SEPTIN8: variants seen among roughly 807,000 people sequenced by gnomAD.
The protein encoded by SEPTIN8 is septin 8, also known as septin-8.
SEPTIN8 carries 22 observed loss-of-function variants against 53.1 expected under a neutral mutation model. The observed-to-expected ratio is 0.41, with a 90% confidence interval of 0.30 to 0.59. The LOEUF is 0.59. Ranked by LOEUF, SEPTIN8 falls within the 20% of genes least tolerant of loss-of-function variation. The pLI, the probability that SEPTIN8 is intolerant of heterozygous loss-of-function variation, is 0.24. For missense variants in SEPTIN8, 536 were observed against 638.7 expected, an observed-to-expected ratio of 0.84 and a Z score of 1.73; for synonymous variants, 228 against 248.4, an observed-to-expected ratio of 0.92 and a Z score of 0.77.
rs1173590312 is a variant in SEPTIN8 at position 132,751,986 on chromosome 5, G to A, written c.*30C>T. On this transcript the variant is annotated 3_prime_UTR_variant, in exon 10 of 10. Transcript: ENST00000378719. ...TCCAGTTCCATGCCCTGGTGGTCCTGAGCTGGCCCCATGTGTTGGAGCTGC... is the reference window on the plus strand; with the variant it reads ...TCCAGTTCCATGCCCTGGTGGTCCTAAGCTGGCCCCATGTGTTGGAGCTGC... 5 of 1,611,636 alleles carry A rather than the reference G, an allele frequency of 3.1e-6. No homozygotes were observed. The highest frequency in any genetic ancestry group is 2.5e-6 in the Non-Finnish European group (3 of 1,179,156).
chr5:132,755,693 C>T (rs1159850490), intron 9 of SEPTIN8, among the ~76,000 whole-genome samples: 2 of 152,308 alleles, frequency 1.3e-5, no homozygotes, highest in South Asian at 4.1e-4. Flanking sequence ...GAGGAACACT[C>T]CTCAAGGGCA....
In SEPTIN8 at chr5:132,765,506, G is replaced by A. The variant is rs948267489; in HGVS notation, c.54C>T (p.Ser18=). ...AACCCACATGGCCGCCCAGGGAGAG[G>A]CTCCGGGGCTCTGGCTCTGCATTCT... is the stretch of plus-strand genomic sequence containing the variant. ...RFSNAEPEPR[S]LSLGGHVGFD... is the part of the protein sequence containing the mutation. Residue 18 remains serine (S), a synonymous_variant, in exon 2 of 10, where the codon AGC becomes AGT. Coordinates refer to ENST00000378719, the MANE Select transcript of SEPTIN8 (RefSeq NM_001098811.2). The A allele has an allele frequency of 1.9e-6, 3 of 1,607,112 alleles. No individual in the cohort carries two copies. The highest frequency in any genetic ancestry group is 2.7e-5 in the African/African-American group (2 of 74,590).
At chr5:132,770,057 G>A (rs1289754525) in intron 1 of SEPTIN8, among the ~76,000 whole-genome samples, 2 of 79,564 alleles carry the variant, frequency 2.5e-5, no homozygotes, top group Admixed American at 1.5e-4. Context: ...GTGTGTGTGT[G>A]TGTGTGTATA....
intron 9 of SEPTIN8, chr5:132,753,005 A>G (rs759889186): frequency 6.6e-7 from 1 of 1,522,302 alleles, no homozygotes; most frequent in East Asian, 2.3e-5. Flanking sequence ...TTCAGAGCAT[A>G]GTGTGAAACC....
chr5:132,762,493 T>G lies in SEPTIN8; in HGVS notation c.687A>C (p.Ala229=). The part of the protein sequence containing the change: ...TDDEAVAEIN[A]VMNAHLPFAV... Reference sequence around the variant, plus strand: ...CTCACCCAACGCTCACATTCATGACTGCGTTAATCTCTGCAACAGCCTCAT... The same window carrying G: ...CTCACCCAACGCTCACATTCATGACGGCGTTAATCTCTGCAACAGCCTCAT... The change falls in exon 5 of 10, where the codon GCA becomes GCC. Residue 229 remains alanine (A), a synonymous_variant. Transcript: ENST00000378719. 1 of 1,614,216 alleles carries G rather than the reference T, an allele frequency of 6.2e-7. No individual in the cohort carries two copies. Among genetic ancestry groups the G allele is most frequent in the Non-Finnish European group, 8.5e-7 (1 of 1,180,010 alleles).
At position 132,760,899 on chromosome 5, in the gene SEPTIN8, C is replaced by T. The variant is rs746322383; in HGVS notation, c.1189G>A (p.Ala397Thr). ...ACCGCAGCCTTCCGGCGATTGAAGGCGTTGGTCTCCTCCTCCAGTTCCCGG... is the reference window on the plus strand; with the variant it reads ...ACCGCAGCCTTCCGGCGATTGAAGGTGTTGGTCTCCTCCTCCAGTTCCCGG... Reference protein sequence around the residue: ...KRRELEEETNAFNRRKAAVEA... With the variant: ...KRRELEEETNTFNRRKAAVEA... Residue 397 changes from alanine (A) to threonine (T), a missense_variant, in exon 9 of 10, where the codon GCC becomes ACC. Physicochemically the swap from Ala to Thr is moderately conservative, Grantham distance 58. Transcript: ENST00000378719. The surrounding 1 kb of genome is among the most constrained non-coding windows in gnomAD (Gnocchi z 5.2). 12 of 1,610,958 alleles carry T rather than the reference C, an allele frequency of 7.4e-6. No homozygotes were observed. Among genetic ancestry groups the T allele is most frequent in the South Asian group, 1.1e-5 (1 of 90,642 alleles).
Position 132,761,680 on chromosome 5 carries a change from C to T in SEPTIN8, c.794-54G>A, listed in dbSNP as rs1755976081. On this transcript the variant is annotated intron_variant, in intron 6 of 9. Coordinates refer to ENST00000378719, the MANE Select transcript of SEPTIN8 (RefSeq NM_001098811.2). This position sits in a 1 kb window ranked among gnomAD's most constrained non-coding sequence, Gnocchi z 5.8. The stretch of plus-strand genomic sequence containing the variant: ...GGCAGGCATGCAGGCGGGCACACTC[C>T]AGAGTCAGGGTAGGCACGCAGGTGG... 3 of 1,603,558 alleles carry T rather than the reference C, an allele frequency of 1.9e-6. No individual in the cohort carries two copies. In the African/African-American group the frequency reaches 4.0e-5, roughly 21 times the overall value.
chr5:132,770,039 ATATG>A (rs1164036137), intron 1 of SEPTIN8, among the ~76,000 whole-genome samples: 42 of 88,426 alleles, frequency 4.7e-4, no homozygotes, highest in South Asian at 6.6e-4. Flanking sequence ...ACATATATAT[ATATG>A]TGTGTGTGTG....
rs920110864 is a variant in SEPTIN8 at position 132,773,594 on chromosome 5, C to A, written c.30+3514G>T. On this transcript the variant is annotated intron_variant, in intron 1 of 9. Coordinates refer to ENST00000378719, the MANE Select transcript of SEPTIN8 (RefSeq NM_001098811.2). The surrounding 1 kb of genome is among the most constrained non-coding windows in gnomAD (Gnocchi z 4.2). ...GACCAAAGTCTGCATCCTCACCCAA[C>A]CTTGGGCTGTTGGCATCAACAAGAT... is the stretch of plus-strand genomic sequence containing the variant. Among the ~76,000 whole-genome samples the A allele has an allele frequency of 1.6e-4, 24 of 152,246 alleles. No individual in the cohort carries two copies. The highest frequency in any genetic ancestry group is 1.4e-3 in the South Asian group (7 of 4,836).
chr5:132,774,381 G>A (rs934462504), intron 1 of SEPTIN8, among the ~76,000 whole-genome samples: 3 of 152,338 alleles, frequency 2.0e-5, no homozygotes, highest in Middle Eastern at 3.4e-3. Flanking sequence ...AGAAAACACC[G>A]GAGCTGGCCC....
At chr5:132,762,971 C>A (rs771031155) in intron 4 of SEPTIN8, among the ~76,000 whole-genome samples, 2 of 152,154 alleles carry the variant, frequency 1.3e-5, no homozygotes, top group African/African-American at 4.8e-5. Context: ...TGGGGCCTAA[C>A]AGAAGGAGTG....
chr5:132,750,983 G>T lies in SEPTIN8; in HGVS notation c.*1033C>A, dbSNP rs1245082766. On this transcript the variant is annotated 3_prime_UTR_variant, in exon 10 of 10. Transcript: ENST00000378719. Reference sequence around the variant, plus strand: ...GGACCTCTATATTGGGACGCCGCTGGACTTCTTGACTATAGTGAGTAAGGA... The same window carrying T: ...GGACCTCTATATTGGGACGCCGCTGTACTTCTTGACTATAGTGAGTAAGGA... 1 of 1,613,926 alleles carries T rather than the reference G, an allele frequency of 6.2e-7. No homozygotes were observed. Among genetic ancestry groups the T allele is most frequent in the African/African-American group, 1.3e-5 (1 of 75,048 alleles).
At chr5:132,766,767 G>A (rs894738880) in intron 1 of SEPTIN8, among the ~76,000 whole-genome samples, 2 of 151,942 alleles carry the variant, frequency 1.3e-5, no homozygotes, top group Admixed American at 6.6e-5. Context: ...ACAGGCTCGG[G>A]GTCAGGAACC....
chr5:132,767,213 C>T (rs1457266452), intron 1 of SEPTIN8, among the ~76,000 whole-genome samples: 1 of 152,170 alleles, frequency 6.6e-6, no homozygotes, highest in East Asian at 1.9e-4. Context: ...CAAGGAGGTC[C>T]CAAAGGCAGT....
chr5:132,777,323 G>T (rs1227667975), upstream of SEPTIN8: 2 of 1,074,072 alleles, frequency 1.9e-6, no homozygotes, highest in Non-Finnish European at 2.3e-6. This position sits in a 1 kb window ranked among gnomAD's most constrained non-coding sequence, Gnocchi z 4.1. Context: ...CCCCGCCCGC[G>T]GGACCGGCCT....
At chr5:132,759,863 T>C (rs745581735) in intron 9 of SEPTIN8, among the ~76,000 whole-genome samples, 6 of 152,072 alleles carry the variant, frequency 3.9e-5, no homozygotes, top group Non-Finnish European at 7.4e-5. Context: ...AGCCAGGACA[T>C]CTGGACTCCA....
At position 132,761,568 on chromosome 5, in the gene SEPTIN8, G is replaced by A. The variant is rs749116208; in HGVS notation, c.852C>T (p.Asn284=). 16 of 1,614,034 alleles carry A rather than the reference G, an allele frequency of 9.9e-6. No homozygotes were observed. In the South Asian group the frequency reaches 1.5e-4, roughly 16 times the overall value. The change falls in exon 7 of 10, where the codon AAC becomes AAT. Residue 284 remains asparagine (N), a synonymous_variant. Transcript: ENST00000378719. The surrounding 1 kb of genome is among the most constrained non-coding windows in gnomAD (Gnocchi z 5.8). ...GGGTCTGCTCGCGGAGGTCTTCCAT[G>A]TTCACCCGGATCAACATCTCCCGCA... ...VKLREMLIRV[N]MEDLREQTHS...
Position 132,751,213 on chromosome 5 carries a change from T to C in SEPTIN8, c.*803A>G. On this transcript the variant is annotated 3_prime_UTR_variant, in exon 10 of 10. Coordinates refer to ENST00000378719, the MANE Select transcript of SEPTIN8 (RefSeq NM_001098811.2). ...ACTCCCACTTCTAAAGGACATTAAATTAACTTTACAAAGATTTTTAGACGG... is the reference window on the plus strand; with the variant it reads ...ACTCCCACTTCTAAAGGACATTAAACTAACTTTACAAAGATTTTTAGACGG... 2.1e-6 allele frequency: 1 copy of C among 468,302 alleles called. No homozygotes were observed. Among genetic ancestry groups the C allele is most frequent in the Non-Finnish European group, 3.7e-6 (1 of 271,432 alleles). The allele number at this position is 468,302 out of a possible 1,614,324, so 29.0% of individuals were successfully genotyped here.
At chr5:132,771,920 G>A (rs988825417) in intron 1 of SEPTIN8, among the ~76,000 whole-genome samples, 2 of 152,122 alleles carry the variant, frequency 1.3e-5, no homozygotes, top group Admixed American at 1.3e-4. Context: ...GGCCAGGAAG[G>A]AAGAATAGAG....
Sources: gnomAD v4.1 joint callset for allele counts (sites outside exome capture counted in the v4.1 genomes callset) on GRCh38, gnomAD v4.1.1 for gene constraint, Gnocchi (gnomAD v3.1) non-coding constraint, MANE v1.5 for transcripts, NCBI Gene and HGNC (gene_info 2026-07-23, HGNC 2026-07-21) for gene names.